DCAF8L2: variants seen among roughly 807,000 people sequenced by gnomAD.
DCAF8L2 encodes DDB1 and CUL4 associated factor 8 like 2, also known as DDB1- and CUL4-associated factor 8-like protein 2.
For missense variants in DCAF8L2, 430 were observed against 490.7 expected (o/e 0.88, Z 1.17); for synonymous variants, 200 against 190.9 (o/e 1.05, Z -0.39).
intron 2 of DCAF8L2, among the ~76,000 whole-genome samples, chrX:27,646,920 C>T (rs58346722): frequency 0.2 from 21,928 of 110,311 alleles, 1,870 homozygotes; most frequent in East Asian, 0.44. Flanking sequence ...CAAATGCTGG[C>T]GAGGTTGTGG....
At chrX:27,547,599 A>G in the DCAF8L2 span, among the ~76,000 whole-genome samples, 8 of 107,223 alleles carry the variant, frequency 7.5e-5, no homozygotes, top group Admixed American at 6.8e-4. Flanking sequence ...GAGAGAGAAC[A>G]TGTGAGAGTG....
intron 3 of DCAF8L2, among the ~76,000 whole-genome samples, chrX:27,713,959 G>T (rs1479911084): frequency 4.5e-5 from 5 of 111,719 alleles, no homozygotes; most frequent in African/African-American, 1.3e-4. Flanking sequence ...GATCAAAAAA[G>T]AAAGTTCATC....
At chrX:27,623,121 T>G (rs1234056859) in intron 1 of DCAF8L2, among the ~76,000 whole-genome samples, 1 of 111,635 alleles carries the variant, frequency 9.0e-6, no homozygotes, top group East Asian at 2.8e-4. Flanking sequence ...GCTGGAAACT[T>G]TTTGATCATA....
the DCAF8L2 span, among the ~76,000 whole-genome samples, chrX:27,502,981 G>A: frequency 1.8e-5 from 2 of 111,634 alleles, no homozygotes. Context: ...TACATTTTCT[G>A]AGCAGGAATA....
the DCAF8L2 span, among the ~76,000 whole-genome samples, chrX:27,575,559 A>G: frequency 1.8e-5 from 2 of 111,617 alleles, no homozygotes; most frequent in Non-Finnish European, 3.8e-5. Context: ...TTACTGTGAT[A>G]TAAATGTGCT....
chrX:27,696,268 GAGAAAGAAAGAAAGAAAGAAAGAA>G (rs565370286), intron 3 of DCAF8L2, among the ~76,000 whole-genome samples: 66 of 74,854 alleles, frequency 8.8e-4, no homozygotes, highest in South Asian at 6.1e-3. Context: ...AAGAGAGAGA[GAGAAAGAAAGAAAGAAAGAAAGAA>G]AGAAAGAAAG....
chrX:27,512,850 C>T, the DCAF8L2 span, among the ~76,000 whole-genome samples: 23 of 60,756 alleles, frequency 3.8e-4, no homozygotes, highest in Non-Finnish European at 7.0e-4. Flanking sequence ...TAAAAATATA[C>T]TAAGCTACAG....
the DCAF8L2 span, among the ~76,000 whole-genome samples, chrX:27,501,405 A>G: frequency 9.0e-6 from 1 of 110,652 alleles, no homozygotes; most frequent in African/African-American, 3.3e-5. Context: ...CAAATTCGAC[A>G]TGATTATGAC....
intron 2 of DCAF8L2, among the ~76,000 whole-genome samples, chrX:27,669,622 C>T (rs1929872438): frequency 9.2e-6 from 1 of 108,744 alleles, no homozygotes; most frequent in Non-Finnish European, 1.9e-5. Context: ...CTATCCCTCC[C>T]CCGCCCCCGC....
the DCAF8L2 span, among the ~76,000 whole-genome samples, chrX:27,522,919 G>A: frequency 9.0e-6 from 1 of 111,531 alleles, no homozygotes; most frequent in Non-Finnish European, 1.9e-5. Context: ...TTACTAGCCC[G>A]TTCATGTACT....
At chrX:27,609,674 A>G (rs900014368) in intron 1 of DCAF8L2, among the ~76,000 whole-genome samples, 7 of 111,342 alleles carry the variant, frequency 6.3e-5, no homozygotes, top group African/African-American at 2.3e-4. Context: ...AGTTTATTAC[A>G]TATGTCTGAT....
chrX:27,511,197 C>A, the DCAF8L2 span, among the ~76,000 whole-genome samples: 1 of 111,123 alleles, frequency 9.0e-6, no homozygotes, highest in African/African-American at 3.3e-5. Flanking sequence ...ATAAAGCTTG[C>A]AAATGAAGTC....
rs1282235958 is a variant in DCAF8L2 at position 27,612,104 on chromosome X, CTT to C, written c.-341-19774_-341-19773del. On this transcript the variant is annotated intron_variant, in intron 1 of 4. Transcript: ENST00000451261. Reference sequence around the variant, plus strand: ...TTTCTCCACATCCTCTCCAGCATCTCTTGTTTCCTGACTTTTTAATGATCACC... The same window carrying C: ...TTTCTCCACATCCTCTCCAGCATCTCGTTTCCTGACTTTTTAATGATCACC... 3.3e-4 allele frequency among the ~76,000 whole-genome samples: 37 copies of C among 111,380 alleles called. No homozygotes were observed. The East Asian group carries it at 7.1e-3, about 21-fold the overall frequency.
chrX:27,517,855 A>G, the DCAF8L2 span: 15 of 1,075,939 alleles, frequency 1.4e-5, no homozygotes, highest in Non-Finnish European at 1.9e-5. Context: ...CTGCTTTAAC[A>G]TTCTCAGCAT....
chrX:27,544,613 A>G, the DCAF8L2 span, among the ~76,000 whole-genome samples: 1 of 112,279 alleles, frequency 8.9e-6, no homozygotes, highest in Non-Finnish European at 1.9e-5. Flanking sequence ...CATTTCCAAT[A>G]TAATGGTTTC....
the DCAF8L2 span, among the ~76,000 whole-genome samples, chrX:27,502,335 A>AAAATATATATAT: frequency 1.6e-4 from 2 of 12,714 alleles, no homozygotes; most frequent in Non-Finnish European, 1.5e-4. Context: ...AAAAAAAAAA[A>AAAATATATATAT]ATATATATAT....
At chrX:27,539,542 G>A in the DCAF8L2 span, among the ~76,000 whole-genome samples, 1 of 111,684 alleles carries the variant, frequency 9.0e-6, no homozygotes, top group African/African-American at 3.3e-5. Context: ...CTACATACAT[G>A]TGGTTTCATC....
At chrX:27,703,589 G>T (rs2147271029) in intron 3 of DCAF8L2, among the ~76,000 whole-genome samples, 1 of 110,938 alleles carries the variant, frequency 9.0e-6, no homozygotes, top group Non-Finnish European at 1.9e-5. Flanking sequence ...GTTGATTTTT[G>T]AAAAGAGCGC....
At chrX:27,628,528 A>G (rs1365503600) in intron 1 of DCAF8L2, among the ~76,000 whole-genome samples, 1 of 110,429 alleles carries the variant, frequency 9.1e-6, no homozygotes, top group African/African-American at 3.3e-5. Flanking sequence ...TTATGACTGT[A>G]CCAATATACA....
Sources: gnomAD v4.1 joint callset for allele counts (sites outside exome capture counted in the v4.1 genomes callset) on GRCh38, gnomAD v4.1.1 for gene constraint, MANE v1.5 for transcripts, NCBI Gene and HGNC (gene_info 2026-07-23, HGNC 2026-07-21) for gene names.